KCNIP3: variants seen among roughly 807,000 people sequenced by gnomAD.
The protein encoded by KCNIP3 is calsenilin.
A neutral mutation model predicts 35.0 loss-of-function variants in KCNIP3; 28 were observed. The observed-to-expected ratio is 0.80, with a 90% CI of 0.59 to 1.10. KCNIP3 has a LOEUF of 1.10. Ranked by LOEUF, KCNIP3 falls within the 50% of genes least tolerant of loss-of-function variation. The pLI is 0.00. For synonymous variants in KCNIP3, 134 were observed against 133.8 expected, an observed-to-expected ratio of 1.00 and a Z score of -0.01; for missense variants, 295 against 338.4, an observed-to-expected ratio of 0.87 and a Z score of 1.01.
chr2:95,375,012 T>C, intron 4 of KCNIP3, 95 bp downstream of exon 4: 1 of 1,519,666 alleles, frequency 6.6e-7, no homozygotes, highest in Non-Finnish European at 9.1e-7. Context: ...GTGCTGCCCC[T>C]GTCCCGTGGG....
intron 1 of KCNIP3, among the ~76,000 whole-genome samples, chr2:95,306,533 G>A (rs1286738990): frequency 6.6e-6 from 1 of 152,194 alleles, no homozygotes; most frequent in East Asian, 1.9e-4. Context: ...GGTGCATGGG[G>A]GAGGGTGGCC....
At chr2:95,316,218 G>A (rs1040410888) in intron 2 of KCNIP3, among the ~76,000 whole-genome samples, 21 of 152,220 alleles carry the variant, frequency 1.4e-4, no homozygotes, top group African/African-American at 5.1e-4. Context: ...GGGTCATTAG[G>A]CCCAAGGGGC....
chr2:95,326,346 A>G (rs370728760), intron 2 of KCNIP3, among the ~76,000 whole-genome samples: 3 of 152,290 alleles, frequency 2.0e-5, no homozygotes, highest in East Asian at 3.9e-4. Context: ...TCACATGTGC[A>G]CACATAAACA....
intron 2 of KCNIP3, among the ~76,000 whole-genome samples, chr2:95,356,861 C>G (rs1679667659): frequency 6.6e-6 from 1 of 152,192 alleles, no homozygotes; most frequent in Non-Finnish European, 1.5e-5. Context: ...CATTCCCCCA[C>G]AGCTACACAT....
intron 2 of KCNIP3, among the ~76,000 whole-genome samples, chr2:95,354,394 A>G (rs1218920760): frequency 6.6e-6 from 1 of 152,238 alleles, no homozygotes; most frequent in Non-Finnish European, 1.5e-5. Context: ...CAGGCAGCAC[A>G]GGTAACATGG....
At chr2:95,361,632 A>G (rs1047420204) in intron 2 of KCNIP3, among the ~76,000 whole-genome samples, 5 of 152,146 alleles carry the variant, frequency 3.3e-5, no homozygotes, top group African/African-American at 1.2e-4. Context: ...ACATCAGGGA[A>G]TGCTGGGGCC....
intron 2 of KCNIP3, chr2:95,346,602 G>A (rs1281753855): frequency 6.9e-6 from 1 of 145,474 alleles, no homozygotes. Flanking sequence ...CCGCCGCCGC[G>A]CCGCCGCCGC....
intron 2 of KCNIP3, among the ~76,000 whole-genome samples, chr2:95,316,624 G>A (rs1231778992): frequency 2.6e-5 from 4 of 152,158 alleles, no homozygotes; most frequent in African/African-American, 9.7e-5. Context: ...AGGTGGAAGC[G>A]GAGAGTGGTG....
chr2:95,342,823 TG>T (rs542157290), intron 2 of KCNIP3, among the ~76,000 whole-genome samples: 2,329 of 150,744 alleles, frequency 0.015, 29 homozygotes, highest in Non-Finnish European at 0.024. Context: ...TGGTATGGAG[TG>T]GAAAAGAGAA....
chr2:95,365,304 G>T (rs1053847736), intron 2 of KCNIP3, among the ~76,000 whole-genome samples: 3 of 151,974 alleles, frequency 2.0e-5, no homozygotes, highest in African/African-American at 7.2e-5. Flanking sequence ...TGGGATTACA[G>T]GCGTGCACCA....
At chr2:95,331,947 T>C (rs1447245055) in intron 2 of KCNIP3, among the ~76,000 whole-genome samples, 1 of 152,246 alleles carries the variant, frequency 6.6e-6, no homozygotes, top group Non-Finnish European at 1.5e-5. Context: ...GTAGGGACGC[T>C]GACATGCAGC....
intron 1 of KCNIP3, among the ~76,000 whole-genome samples, chr2:95,300,497 G>A (rs1386923186): frequency 6.6e-6 from 1 of 152,220 alleles, no homozygotes; most frequent in Non-Finnish European, 1.5e-5. Flanking sequence ...AGTTTCCAAG[G>A]TGAAGCAGAA....
In KCNIP3 at chr2:95,384,010, C is replaced by T; in HGVS notation, c.732C>T (p.Asn244=). 6.2e-7 allele frequency: 1 copy of T among 1,613,952 alleles called. No individual in the cohort carries two copies. Among genetic ancestry groups the T allele is most frequent in the Non-Finnish European group, 8.5e-7 (1 of 1,179,956 alleles). The part of the protein sequence containing the change: ...EFLEACQKDE[N]IMSSMQLFEN... ...TTCCTCTCTCCATGCAGGATGAGAACATCATGAGCTCCATGCAGCTGTTTG... is the reference window on the plus strand; with the variant it reads ...TTCCTCTCTCCATGCAGGATGAGAATATCATGAGCTCCATGCAGCTGTTTG... Residue 244 remains asparagine (N), a synonymous_variant, in exon 9 of 9, where the codon AAC becomes AAT. Transcript: ENST00000295225.
chr2:95,351,845 T>C (rs1207444142), intron 2 of KCNIP3, among the ~76,000 whole-genome samples: 1 of 151,872 alleles, frequency 6.6e-6, no homozygotes, highest in African/African-American at 2.4e-5. Context: ...AGTGGAGCCA[T>C]GAAGGAGGTG....
chr2:95,375,129 C>G lies in KCNIP3; in HGVS notation c.377-9C>G. 1 of 1,614,044 alleles carries G rather than the reference C, an allele frequency of 6.2e-7. No homozygotes were observed. The highest frequency in any genetic ancestry group is 8.5e-7 in the Non-Finnish European group (1 of 1,179,906). On this transcript the variant is annotated splice_polypyrimidine_tract_variant and intron_variant, in intron 4 of 8. Transcript: ENST00000295225. ...CGACACACCCCAGCCTCTTCCTTGC[C>G]CTCCCCAGATGCCACCACCTATGCA...
At chr2:95,357,589 C>T (rs1195937442) in intron 2 of KCNIP3, among the ~76,000 whole-genome samples, 1 of 152,210 alleles carries the variant, frequency 6.6e-6, no homozygotes, top group Non-Finnish European at 1.5e-5. Flanking sequence ...AGGCAGCCTT[C>T]CTGCCCAGTG....
chr2:95,351,953 G>C (rs1249206020), intron 2 of KCNIP3, among the ~76,000 whole-genome samples: 1 of 152,150 alleles, frequency 6.6e-6, no homozygotes, highest in Admixed American at 6.5e-5. Context: ...GTGAGACTGG[G>C]GGAGTCACCA....
At chr2:95,369,293 A>C (rs1341975107) in intron 2 of KCNIP3, among the ~76,000 whole-genome samples, 2 of 152,190 alleles carry the variant, frequency 1.3e-5, no homozygotes, top group Non-Finnish European at 2.9e-5. Flanking sequence ...AATCAGCCTC[A>C]TGTTCCTGGA....
chr2:95,343,511 C>T (rs564176475), intron 2 of KCNIP3, among the ~76,000 whole-genome samples: 98 of 152,260 alleles, frequency 6.4e-4, no homozygotes, highest in Non-Finnish European at 6.9e-4. Context: ...GAATGGGTCC[C>T]TCAAACAGCA....
Sources: gnomAD v4.1 joint callset for allele counts (sites outside exome capture counted in the v4.1 genomes callset) on GRCh38, gnomAD v4.1.1 for gene constraint, MANE v1.5 for transcripts, NCBI Gene and HGNC (gene_info 2026-07-23, HGNC 2026-07-21) for gene names.